Variants in UBE3D observed in about 807,000 individuals in gnomAD.
UBE3D encodes the protein E3 ubiquitin-protein ligase E3D.
A neutral mutation model predicts 49.6 loss-of-function variants in UBE3D; 48 were observed. That is an observed-to-expected ratio of 0.97 (90% CI 0.77 to 1.23). The LOEUF is 1.23. Ranked by LOEUF, UBE3D falls within the 50% of genes most tolerant of loss-of-function variation. UBE3D has a pLI of 0.00. For synonymous variants in UBE3D, 189 were observed against 174.2 expected (o/e 1.08, Z -0.67); for missense variants, 452 against 468.4 (o/e 0.96, Z 0.32).
rs1156839366 is a variant in UBE3D, at chr6:83,040,463, G to A, written c.598-1978C>T. 2.0e-5 allele frequency among the ~76,000 whole-genome samples: 3 copies of A among 151,794 alleles called. No individual in the cohort carries two copies. In the East Asian group the frequency reaches 5.8e-4, roughly 30 times the overall value. On this transcript the variant is annotated intron_variant, in intron 4 of 9. Coordinates refer to ENST00000369747, the MANE Select transcript of UBE3D (RefSeq NM_198920.3). ...AAGAGCAACAGCACAATTCATACTG[G>A]GGTCTTTCTCTATGGCCTATTCTTT...
chr6:83,056,523 C>A (rs1031347605), intron 2 of UBE3D, among the ~76,000 whole-genome samples: 1 of 152,160 alleles, frequency 6.6e-6, no homozygotes, highest in Non-Finnish European at 1.5e-5. Context: ...GTTATTCCAA[C>A]AGTCATTCCT....
intron 9 of UBE3D, among the ~76,000 whole-genome samples, chr6:82,937,011 C>T (rs1017928246): frequency 1.3e-5 from 2 of 152,180 alleles, no homozygotes; most frequent in Non-Finnish European, 2.9e-5. Flanking sequence ...ATCATATCTT[C>T]CACCTCCACT....
intron 9 of UBE3D, among the ~76,000 whole-genome samples, chr6:82,956,809 ATC>A (rs1453386524): frequency 6.6e-6 from 1 of 152,196 alleles, no homozygotes; most frequent in Non-Finnish European, 1.5e-5. Flanking sequence ...AATTCTGAGC[ATC>A]TGTTTGTTCA....
intron 9 of UBE3D, among the ~76,000 whole-genome samples, chr6:82,917,772 TAA>T: frequency 6.6e-6 from 1 of 152,206 alleles, no homozygotes; most frequent in Non-Finnish European, 1.5e-5. Flanking sequence ...AGCACAAACT[TAA>T]AGAGTCTGAT....
intron 8 of UBE3D, among the ~76,000 whole-genome samples, chr6:83,004,403 C>T (rs993327374): frequency 6.6e-6 from 1 of 152,162 alleles, no homozygotes; most frequent in East Asian, 1.9e-4. Flanking sequence ...CAGTAACATA[C>T]TGACTAACTG....
chr6:82,985,630 G>T (rs1173129060), intron 8 of UBE3D, among the ~76,000 whole-genome samples: 1 of 152,150 alleles, frequency 6.6e-6, no homozygotes, highest in Non-Finnish European at 1.5e-5. Flanking sequence ...ACAAAGTGCT[G>T]GGATTACAGG....
At chr6:83,054,904 C>T (rs1783715358) in intron 2 of UBE3D, among the ~76,000 whole-genome samples, 1 of 152,214 alleles carries the variant, frequency 6.6e-6, no homozygotes, top group Non-Finnish European at 1.5e-5. Context: ...TTGCCTCGGC[C>T]TCCCAAAGTG....
intron 9 of UBE3D, among the ~76,000 whole-genome samples, chr6:82,907,389 A>C (rs1772178249): frequency 6.6e-6 from 1 of 152,242 alleles, no homozygotes; most frequent in African/African-American, 2.4e-5. Context: ...AACAAACAAA[A>C]TCCAGAAGGC....
chr6:82,961,271 C>T (rs73749484), intron 8 of UBE3D, among the ~76,000 whole-genome samples: 1,900 of 152,216 alleles, frequency 0.012, 34 homozygotes, highest in African/African-American at 0.043. Context: ...ATAACATGGT[C>T]GCCTTTAATT....
At chr6:82,901,481 G>A (rs552599770) in intron 9 of UBE3D, among the ~76,000 whole-genome samples, 1 of 152,286 alleles carries the variant, frequency 6.6e-6, no homozygotes, top group South Asian at 2.1e-4. Flanking sequence ...ATCTAGGGGT[G>A]GGGCCTAGCA....
intron 9 of UBE3D, chr6:82,938,375 C>G (rs1443745351): frequency 6.6e-6 from 1 of 152,150 alleles, no homozygotes; most frequent in Non-Finnish European, 1.5e-5. Context: ...ACTACAGAGG[C>G]TGCACATCCC....
At chr6:82,996,028 G>A (rs1779215754) in intron 8 of UBE3D, among the ~76,000 whole-genome samples, 5 of 152,076 alleles carry the variant, frequency 3.3e-5, no homozygotes, top group African/African-American at 4.8e-5. Flanking sequence ...TCATGCCACC[G>A]CACTCCAGCC....
downstream of UBE3D, among the ~76,000 whole-genome samples, chr6:82,891,801 G>A (rs530645003): frequency 7.9e-5 from 12 of 152,264 alleles, no homozygotes; most frequent in African/African-American, 2.9e-4. Context: ...TGAGGTGGGT[G>A]GATCACCTGA....
chr6:82,939,050 C>T (rs970870129), intron 9 of UBE3D, among the ~76,000 whole-genome samples: 2 of 150,972 alleles, frequency 1.3e-5, no homozygotes, highest in Non-Finnish European at 2.9e-5. Context: ...TGAGACTGGA[C>T]ACCCTGTCTA....
intron 9 of UBE3D, among the ~76,000 whole-genome samples, chr6:82,901,290 A>G (rs1457717142): frequency 6.6e-6 from 1 of 152,118 alleles, no homozygotes; most frequent in African/African-American, 2.4e-5. Flanking sequence ...TAAGTGCATA[A>G]CTTATTTCAC....
chr6:83,053,063 G>A (rs1477443335), intron 3 of UBE3D, among the ~76,000 whole-genome samples: 5 of 152,242 alleles, frequency 3.3e-5, no homozygotes, highest in African/African-American at 1.2e-4. Flanking sequence ...AGAGCATATG[G>A]CCCAAAGGCT....
chr6:82,986,873 A>C (rs1335139501), intron 8 of UBE3D, among the ~76,000 whole-genome samples: 1 of 148,562 alleles, frequency 6.7e-6, no homozygotes, highest in Non-Finnish European at 1.5e-5. Context: ...ATATATAATA[A>C]ATTAATTATA....
chr6:82,881,653 T>A, the UBE3D span, among the ~76,000 whole-genome samples: 1 of 152,188 alleles, frequency 6.6e-6, no homozygotes. Context: ...TCTCTACTGC[T>A]TTTTCCTCCT....
intron 3 of UBE3D, among the ~76,000 whole-genome samples, chr6:83,053,483 TG>T (rs1437491978): frequency 1.3e-5 from 2 of 152,132 alleles, no homozygotes; most frequent in Non-Finnish European, 2.9e-5. Flanking sequence ...AGGAAGGGTT[TG>T]TGCCCAAGAA....
Sources: gnomAD v4.1 joint callset for allele counts (sites outside exome capture counted in the v4.1 genomes callset) on GRCh38, gnomAD v4.1.1 for gene constraint, MANE v1.5 for transcripts, NCBI Gene and HGNC (gene_info 2026-07-23, HGNC 2026-07-21) for gene names.